Variants in HMCN1 observed in about 807,000 individuals in gnomAD.
The protein encoded by HMCN1 is hemicentin 1.
Under a neutral mutation model 625.9 loss-of-function variants are expected in HMCN1, and 321 were observed. That is an observed-to-expected ratio of 0.51 (90% confidence interval 0.47 to 0.56). The LOEUF (loss-of-function observed/expected upper bound fraction) is 0.56, where lower values mean the gene tolerates loss of function less well. Ranked by LOEUF, HMCN1 falls within the 20% of genes least tolerant of loss-of-function variation. The probability of loss-of-function intolerance (pLI) is 0.00; values close to 1 mark genes in which losing one functional copy is unlikely to be tolerated. For missense variants in HMCN1, 6,588 were observed against 6,887.3 expected (o/e 0.96, Z 1.54); for synonymous variants, 2,425 against 2,417.6 (o/e 1.00, Z -0.09).
At chr1:186,132,000 T>C (rs1661962602) in intron 85 of HMCN1, among the ~76,000 whole-genome samples, 1 of 152,142 alleles carries the variant, frequency 6.6e-6, no homozygotes, top group East Asian at 1.9e-4. Context: ...GTATTTTTCT[T>C]TAGTAAGATA....
At chr1:186,061,038 T>A (rs892046514) in intron 46 of HMCN1, among the ~76,000 whole-genome samples, 1 of 152,102 alleles carries the variant, frequency 6.6e-6, no homozygotes, top group African/African-American at 2.4e-5. Context: ...TCTAGCCTCA[T>A]CTCTTACCAT....
Position 186,045,803 on chromosome 1 carries a change from C to A in HMCN1, c.6420C>A (p.Asp2140Glu), listed in dbSNP as rs1413433754. The A allele has an allele frequency of 6.2e-7, 1 of 1,612,920 alleles. No individual in the cohort carries two copies. Among genetic ancestry groups the A allele is most frequent in the Admixed American group, 1.7e-5 (1 of 59,976 alleles). Residue 2140 changes from aspartate to glutamate, a missense_variant, in exon 41 of 107, where the codon GAC (aspartate) becomes GAA (glutamate). Asp to Glu is a conservative substitution (Grantham distance 45, BLOSUM62 2). Around this residue, in one of 3 missense-constraint regions of HMCN1, gnomAD observed 4,628 missense variants for 4,853.1 expected, o/e 0.95. Transcript: ENST00000271588. ...IPPPTLTWLKDGHPLLKKPGL... is the reference protein window; with the variant it reads ...IPPPTLTWLKEGHPLLKKPGL... ...CACCTACTCTTACTTGGTTAAAAGA[C>A]GGCCACCCCTTGCTGAAGAAACCAG...
intron 2 of HMCN1, among the ~76,000 whole-genome samples, chr1:185,847,045 T>C (rs73054413): frequency 0.035 from 5,355 of 152,122 alleles, 334 homozygotes; most frequent in African/African-American, 0.12. Flanking sequence ...TCCCTTACCC[T>C]CAGCAAGCAC....
At chr1:185,796,738 A>T (rs1658410935) in intron 1 of HMCN1, among the ~76,000 whole-genome samples, 1 of 152,124 alleles carries the variant, frequency 6.6e-6, no homozygotes, top group South Asian at 2.1e-4. Context: ...TTCTTTATCT[A>T]GTCAACTATT....
chr1:185,994,913 A>G lies in HMCN1; in HGVS notation c.3604A>G (p.Ile1202Val), dbSNP rs766037475. 3.7e-6 allele frequency: 6 copies of G among 1,613,882 alleles called. No homozygotes were observed. Among genetic ancestry groups the G allele is most frequent in the South Asian group, 3.3e-5 (3 of 91,080 alleles). Reference sequence around the variant, plus strand: ...TGCTCAAGGGACTCCTCTTCCTGTAATCACCTGGTCCAAAGGTGGAAGCAC... The same window carrying G: ...TGCTCAAGGGACTCCTCTTCCTGTAGTCACCTGGTCCAAAGGTGGAAGCAC... ...CNAQGTPLPVITWSKGGSTML... is the reference protein window; with the variant it reads ...CNAQGTPLPVVTWSKGGSTML... Residue 1202 changes from isoleucine to valine, a missense_variant, in exon 24 of 107, where the codon ATC becomes GTC. Ile to Val is a conservative substitution (Grantham distance 29, BLOSUM62 3). Coordinates refer to ENST00000271588, the MANE Select transcript of HMCN1 (RefSeq NM_031935.3).
At chr1:185,781,059 T>C (rs1180676041) in intron 1 of HMCN1, among the ~76,000 whole-genome samples, 2 of 152,238 alleles carry the variant, frequency 1.3e-5, no homozygotes, top group Non-Finnish European at 2.9e-5. Flanking sequence ...ATTCAACTTC[T>C]TCCTGGTTTA....
intron 10 of HMCN1, 113 bp from the exon 11 acceptor site, chr1:185,933,436 T>G: frequency 9.8e-7 from 1 of 1,016,586 alleles, no homozygotes; most frequent in Admixed American, 1.9e-5. Flanking sequence ...TCTGTTGCAC[T>G]GCATCTTTCC....
chr1:186,188,964 G>A (rs1571490466), intron 106 of HMCN1, among the ~76,000 whole-genome samples: 1 of 152,112 alleles, frequency 6.6e-6, no homozygotes, highest in East Asian at 1.9e-4. Context: ...AAAGCAGTCA[G>A]TGTGCACTCT....
At chr1:185,866,495 C>G (rs1411033630) in intron 4 of HMCN1, among the ~76,000 whole-genome samples, 1 of 149,024 alleles carries the variant, frequency 6.7e-6, no homozygotes. Context: ...AGCTCTGCCT[C>G]CTGGGTTCAC....
At chr1:185,767,218 A>C (rs1655934353) in intron 1 of HMCN1, among the ~76,000 whole-genome samples, 1 of 152,176 alleles carries the variant, frequency 6.6e-6, no homozygotes, top group African/African-American at 2.4e-5. Flanking sequence ...TTTAAAGTAC[A>C]GTAAACTTAC....
In HMCN1 at chr1:186,136,889, CG is replaced by C. The variant is rs750540987; in HGVS notation, c.13535del (p.Arg4512GlnfsTer3). On this transcript the variant is annotated frameshift_variant, in exon 87 of 107. Coordinates refer to ENST00000271588, the MANE Select transcript of HMCN1 (RefSeq NM_031935.3). LOFTEE classifies it high-confidence loss of function. ...TACCTCTGAATTTGAATGTGTTGCT[CG>C]AAACTTAATGGGTTCTGTCCTTGTC... is the stretch of plus-strand genomic sequence containing the variant. ...EDTSEFECVA[R>X]NLMGSVLVRV... is the part of the protein sequence containing the mutation. 1 of 1,613,924 alleles carries C rather than the reference CG, an allele frequency of 6.2e-7. No homozygotes were observed. The highest frequency in any genetic ancestry group is 1.1e-5 in the South Asian group (1 of 91,054).
In HMCN1 at chr1:186,062,543, T is replaced by C; in HGVS notation, c.7456T>C (p.Leu2486=). ...ACCTCATATTGTGGGTGAAAATACA[T>C]TGGAAGATGTGAAGGTAAAAGAGAA... The part of the protein sequence containing the change: ...VPPHIVGENT[L]EDVKVKEKQS... Residue 2486 remains leucine (L), a synonymous_variant, in exon 48 of 107, where the codon TTG becomes CTG. Transcript: ENST00000271588. 6.2e-7 allele frequency: 1 copy of C among 1,612,236 alleles called. No homozygotes were observed. Among genetic ancestry groups the C allele is most frequent in the Non-Finnish European group, 8.5e-7 (1 of 1,178,512 alleles).
In HMCN1 at chr1:186,135,798, TG is replaced by T. The variant is rs1649558099; in HGVS notation, c.13313-869del. 2.0e-5 allele frequency among the ~76,000 whole-genome samples: 3 copies of T among 152,338 alleles called. No individual in the cohort carries two copies. In the South Asian group the frequency reaches 6.2e-4, roughly 32 times the overall value. ...CCCTCCATTTCCAGTGGCATGCTTT[TG>T]TTTGATCTATTATTTCTATGGTTTA... On this transcript the variant is annotated intron_variant, in intron 86 of 106. Transcript: ENST00000271588.
chr1:185,898,283 A>T (rs2102427315), intron 4 of HMCN1, among the ~76,000 whole-genome samples: 1 of 152,266 alleles, frequency 6.6e-6, no homozygotes, highest in East Asian at 1.9e-4. Flanking sequence ...CAATAGATTC[A>T]CTAAGGTTAG....
chr1:186,157,154 A>G (rs1651078761), intron 97 of HMCN1, among the ~76,000 whole-genome samples: 1 of 152,200 alleles, frequency 6.6e-6, no homozygotes, highest in African/African-American at 2.4e-5. Context: ...TTAATTTCTA[A>G]GTATGTATTC....
At chr1:185,908,966 GGAA>G (rs1666255911) in intron 4 of HMCN1, among the ~76,000 whole-genome samples, 1 of 151,808 alleles carries the variant, frequency 6.6e-6, no homozygotes, top group Admixed American at 6.6e-5. Flanking sequence ...AAGAAAGAAT[GGAA>G]GAAGAAGGGA....
chr1:185,981,220 A>G, intron 17 of HMCN1, 147 bp downstream of exon 17: 2 of 658,192 alleles, frequency 3.0e-6, no homozygotes, highest in Non-Finnish European at 5.6e-6. Context: ...GCCACACTTC[A>G]TATTTCTTAG....
intron 1 of HMCN1, among the ~76,000 whole-genome samples, chr1:185,748,382 G>A (rs985762991): frequency 2.6e-5 from 4 of 152,020 alleles, no homozygotes; most frequent in Non-Finnish European, 5.9e-5. Flanking sequence ...TCCCCTATGT[G>A]CAGGACAATG....
rs1322821108 is a variant in HMCN1, at chr1:186,079,092, T to G, written c.8599+872T>G. On this transcript the variant is annotated intron_variant, in intron 55 of 106. Transcript: ENST00000271588. ...CAGGTTCGATCCCCAGCTCTAGTTG[T>G]GTTTAGCAGCTCTCTCATCAGCAGC... Among the ~76,000 whole-genome samples, 3 of 150,156 alleles carry G rather than the reference T, an allele frequency of 2.0e-5. No homozygotes were observed. In the East Asian group the frequency reaches 5.9e-4, roughly 30 times the overall value.
Sources: gnomAD v4.1 joint callset for allele counts (sites outside exome capture counted in the v4.1 genomes callset) on GRCh38, gnomAD v4.1.1 for gene constraint, gnomAD v4.1.1 regional missense constraint, MANE v1.5 for transcripts, NCBI Gene and HGNC (gene_info 2026-07-23, HGNC 2026-07-21) for gene names.